The following CEP85 variants were observed in gnomAD, a reference collection of about 807,000 sequenced individuals.
The protein encoded by CEP85 is centrosomal protein of 85 kDa.
A neutral mutation model predicts 93.7 loss-of-function variants in CEP85; 58 were observed. The ratio of observed to expected loss-of-function variants is 0.62; its 90% CI spans 0.50 to 0.77. The LOEUF (loss-of-function observed/expected upper bound fraction) is 0.77, where lower values mean the gene tolerates loss of function less well. Ranked by LOEUF, CEP85 falls within the 30% of genes least tolerant of loss-of-function variation. The pLI is 0.00. For synonymous variants in CEP85, 314 were observed against 338.6 expected, an observed-to-expected ratio of 0.93 and a Z score of 0.80; for missense variants, 868 against 922.0, an observed-to-expected ratio of 0.94 and a Z score of 0.76.
intron 8 of CEP85, among the ~76,000 whole-genome samples, chr1:26,268,836 A>C (rs1239902459): frequency 6.6e-6 from 1 of 152,200 alleles, no homozygotes; most frequent in Admixed American, 6.5e-5. Context: ...TCCTTATGTT[A>C]AAGTGAACCC....
At chr1:26,236,018 G>A (rs2089321903) in intron 1 of CEP85, among the ~76,000 whole-genome samples, 2 of 152,238 alleles carry the variant, frequency 1.3e-5, no homozygotes, top group Admixed American at 1.3e-4. Context: ...ATATAATTGA[G>A]GCTTGCAGCT....
At chr1:26,265,507 CTGAT>C (rs1478596529) in intron 7 of CEP85, among the ~76,000 whole-genome samples, 3 of 152,194 alleles carry the variant, frequency 2.0e-5, no homozygotes, top group Admixed American at 1.3e-4. Context: ...GGGAATCTCT[CTGAT>C]TGATTTCTCC....
rs1012461357 is a variant in CEP85, at chr1:26,234,234, C to T, written c.-99C>T. 1 of 152,258 alleles carries T rather than the reference C, an allele frequency of 6.6e-6. No homozygotes were observed. The highest frequency in any genetic ancestry group is 2.4e-5 in the African/African-American group (1 of 41,458). The allele number at this position is 152,258 out of a possible 1,614,324, so 9.4% of individuals were successfully genotyped here. A position where few individuals can be genotyped will look rare whatever the true frequency, so the allele number is the denominator to read the frequency against. ...CCGTTAGAGGAGCTGAGGGAGGGAA[C>T]CACCGCTCACCGCAGACGTGGTGGC... On this transcript the variant is annotated 5_prime_UTR_variant, in exon 1 of 14. Coordinates refer to ENST00000451429, the MANE Select transcript of CEP85 (RefSeq NM_001319944.2).
At chr1:26,243,525 A>G (rs1340285786) in intron 2 of CEP85, among the ~76,000 whole-genome samples, 1 of 152,178 alleles carries the variant, frequency 6.6e-6, no homozygotes, top group Non-Finnish European at 1.5e-5. Flanking sequence ...TAGGGGTGGT[A>G]ATACTTTTCA....
chr1:26,248,813 G>A (rs1407536023), intron 3 of CEP85, among the ~76,000 whole-genome samples: 7 of 133,996 alleles, frequency 5.2e-5, no homozygotes, highest in African/African-American at 1.7e-4. Context: ...TGCAAGCTCC[G>A]CCTTCCGGGT....
At chr1:26,242,639 ATAAAG>A (rs540808844) in intron 2 of CEP85, among the ~76,000 whole-genome samples, 2 of 152,204 alleles carry the variant, frequency 1.3e-5, no homozygotes, top group Non-Finnish European at 2.9e-5. Context: ...GAAGAAAGGA[ATAAAG>A]TAATTTGTGT....
At chr1:26,268,356 G>T (rs2089922609) in intron 7 of CEP85, 127 bp from the exon 8 acceptor site, 1 of 989,328 alleles carries the variant, frequency 1.0e-6, no homozygotes, top group Admixed American at 2.2e-5. Flanking sequence ...TACTCCAGGG[G>T]CTGAGGTAGG....
At chr1:26,246,589 C>G (rs1402152907) in intron 3 of CEP85, among the ~76,000 whole-genome samples, 1 of 151,928 alleles carries the variant, frequency 6.6e-6, no homozygotes, top group Non-Finnish European at 1.5e-5. Context: ...AAAAAATTAG[C>G]TGGGCGTGGT....
chr1:26,248,327 C>G (rs751366506), intron 3 of CEP85, among the ~76,000 whole-genome samples: 5 of 152,056 alleles, frequency 3.3e-5, no homozygotes, highest in Non-Finnish European at 7.4e-5. Context: ...GATTTTTCCC[C>G]CATTGAAATG....
intron 11 of CEP85, among the ~76,000 whole-genome samples, chr1:26,272,918 C>G (rs185453370): frequency 1.3e-5 from 2 of 152,250 alleles, no homozygotes; most frequent in East Asian, 3.9e-4. Context: ...CGTGAGCCAT[C>G]ATGCCCAGCC....
chr1:26,272,261 CTGTGA>C (rs1407825073), intron 11 of CEP85, 190 bp downstream of exon 11: 2 of 612,402 alleles, frequency 3.3e-6, no homozygotes, highest in African/African-American at 3.7e-5. Context: ...CAGCACAGTA[CTGTGA>C]GAGCAGTCCC....
At chr1:26,269,353 A>G in intron 8 of CEP85, 107 bp from the exon 9 acceptor site, 1 of 1,143,236 alleles carries the variant, frequency 8.7e-7, no homozygotes, top group Non-Finnish European at 1.3e-6. Context: ...TTGCTGAGGA[A>G]ATTAAATATA....
At chr1:26,241,312 G>A (rs2089421685) in intron 2 of CEP85, among the ~76,000 whole-genome samples, 1 of 146,552 alleles carries the variant, frequency 6.8e-6, no homozygotes, top group African/African-American at 2.5e-5. Context: ...GCGTGATCTC[G>A]GCTCACTACA....
intron 2 of CEP85, among the ~76,000 whole-genome samples, chr1:26,240,947 G>A (rs143323625): frequency 6.6e-6 from 1 of 151,980 alleles, no homozygotes; most frequent in African/African-American, 2.4e-5. Flanking sequence ...AGAGCTGACT[G>A]TATATTAAAC....
chr1:26,238,901 T>C (rs1013022125), intron 1 of CEP85, among the ~76,000 whole-genome samples: 1 of 152,224 alleles, frequency 6.6e-6, no homozygotes, highest in Non-Finnish European at 1.5e-5. Context: ...AACTTCACGT[T>C]CCTAGCTCAG....
Position 26,259,728 on chromosome 1 carries a change from GTCCAGC to G in CEP85, c.1270_1275del (p.Gln424_Leu425del). The G allele has an allele frequency of 6.2e-7, 1 of 1,614,126 alleles. No individual in the cohort carries two copies. ...GAAACTCTCTGCTTCTGAAGTTGAA[GTCCAGC>G]TCATCAGAGAGTCGCTCAAAGTGGC... On this transcript the variant is annotated inframe_deletion, in exon 7 of 14. Coordinates refer to ENST00000451429, the MANE Select transcript of CEP85 (RefSeq NM_001319944.2).
rs139000810 is a variant in CEP85 at position 26,255,684 on chromosome 1, A to G, written c.722A>G (p.His241Arg). 1.9e-6 allele frequency: 3 copies of G among 1,614,108 alleles called. No individual in the cohort carries two copies. The highest frequency in any genetic ancestry group is 1.6e-4 in the Middle Eastern group (1 of 6,062). Residue 241 changes from histidine to arginine, a missense_variant, in exon 4 of 14, where the codon CAT becomes CGT. His to Arg is a conservative substitution (Grantham distance 29). Transcript: ENST00000451429. ...GCAGTGTTTGAGCGGAATGGACCAC[A>G]TTCTAATAGCAGTGGGGTCCTCCCT... ...SGAVFERNGPHSNSSGVLPLG... is the reference protein window; with the variant it reads ...SGAVFERNGPRSNSSGVLPLG...
chr1:26,277,260 C>A lies in CEP85; in HGVS notation c.2253C>A (p.Ala751=), dbSNP rs763563823. ...GGACCACCATGTCAGACAGATATGC[C>A]CAGGACATGGGAGAAAACTGTGTCA... is the stretch of plus-strand genomic sequence containing the variant. ...DLRTTMSDRY[A]QDMGENCVTQ Residue 751 remains alanine, a synonymous_variant, in exon 14 of 14, where the codon GCC becomes GCA. Coordinates refer to ENST00000451429, the MANE Select transcript of CEP85 (RefSeq NM_001319944.2). The A allele has an allele frequency of 1.5e-5, 25 of 1,613,884 alleles. No individual in the cohort carries two copies. Among genetic ancestry groups the A allele is most frequent in the Non-Finnish European group, 8.5e-7 (1 of 1,179,894 alleles).
chr1:26,264,848 C>T (rs569980021), intron 7 of CEP85, among the ~76,000 whole-genome samples: 1 of 152,150 alleles, frequency 6.6e-6, no homozygotes, highest in East Asian at 1.9e-4. Flanking sequence ...TCGCTGGAGA[C>T]TCTGGAGTTG....
Sources: gnomAD v4.1 joint callset for allele counts (sites outside exome capture counted in the v4.1 genomes callset) on GRCh38, gnomAD v4.1.1 for gene constraint, MANE v1.5 for transcripts, NCBI Gene and HGNC (gene_info 2026-07-23, HGNC 2026-07-21) for gene names.